Variants in SOX5 observed in about 807,000 individuals in gnomAD.
SOX5 encodes the protein SRY-box transcription factor 5, also known as transcription factor SOX-5.
In SOX5, 9 loss-of-function variants were observed where a neutral mutation model predicts 92.0. The ratio of observed to expected loss-of-function variants is 0.10; its 90% CI spans 0.06 to 0.17. SOX5 has a LOEUF of 0.17. Among genes scored for constraint, SOX5 ranks in the 10% least tolerant of loss-of-function variants. The pLI, the probability that SOX5 is intolerant of heterozygous loss-of-function variation, is 1.00. For missense variants in SOX5, 642 were observed against 944.5 expected (o/e 0.68, Z 4.20); for synonymous variants, 344 against 336.3 (o/e 1.02, Z -0.25).
chr12:24,329,284 C>G (rs181206568), intron 2 of SOX5, among the ~76,000 whole-genome samples: 145 of 152,226 alleles, frequency 9.5e-4, no homozygotes, highest in Middle Eastern at 3.4e-3. Flanking sequence ...CACAGTTCTA[C>G]ATGGCTTGGG....
intron 4 of SOX5, among the ~76,000 whole-genome samples, chr12:24,176,140 G>A (rs1475286957): frequency 4.6e-5 from 7 of 152,066 alleles, no homozygotes; most frequent in Non-Finnish European, 7.4e-5. Context: ...AGACTAGCCC[G>A]GGCAGCATGA....
chr12:24,008,217 T>C (rs1952529312), intron 4 of SOX5, among the ~76,000 whole-genome samples: 1 of 152,158 alleles, frequency 6.6e-6, no homozygotes, highest in African/African-American at 2.4e-5. Context: ...GGATTTTCAG[T>C]GTACATTTTG....
chr12:24,381,856 T>C lies in SOX5; in HGVS notation c.-250-13217A>G, dbSNP rs1358881568. Among the ~76,000 whole-genome samples, 3 of 152,180 alleles carry C rather than the reference T, an allele frequency of 2.0e-5. No individual in the cohort carries two copies. The East Asian group carries it at 5.8e-4, about 29-fold the overall frequency. On this transcript the variant is annotated intron_variant, in intron 1 of 4. Coordinates refer to the SOX5 transcript ENST00000446891. ...CTTCAGGGAGAGTAGGAATGAACAC[T>C]AAAAATAACTAAGAATTTGACTTTA... is the stretch of plus-strand genomic sequence containing the variant.
chr12:23,947,205 T>TATTTCACA (rs901763764), intron 1 of SOX5, among the ~76,000 whole-genome samples: 1 of 151,974 alleles, frequency 6.6e-6, no homozygotes, highest in Non-Finnish European at 1.5e-5. Flanking sequence ...CAAAGTTCTC[T>TATTTCACA]ATTTCACAAA....
chr12:24,111,568 ATATTT>A (rs1177100322), intron 4 of SOX5, among the ~76,000 whole-genome samples: 2 of 152,222 alleles, frequency 1.3e-5, no homozygotes, highest in African/African-American at 2.4e-5. Flanking sequence ...TCAAATCCAT[ATATTT>A]TAAAGTCAGA....
chr12:23,828,347 T>C (rs774625596), intron 3 of SOX5, among the ~76,000 whole-genome samples: 62 of 148,894 alleles, frequency 4.2e-4, no homozygotes, highest in Non-Finnish European at 8.3e-4. Flanking sequence ...CACACACACA[T>C]GTATGTGTAT....
intron 1 of SOX5, among the ~76,000 whole-genome samples, chr12:24,488,139 T>C (rs1946705064): frequency 6.6e-6 from 1 of 152,166 alleles, no homozygotes; most frequent in South Asian, 2.1e-4. Flanking sequence ...TGAATCATCA[T>C]GGATCTATTC....
At chr12:24,420,639 A>G (rs1965768677) in intron 1 of SOX5, among the ~76,000 whole-genome samples, 1 of 152,176 alleles carries the variant, frequency 6.6e-6, no homozygotes, top group Non-Finnish European at 1.5e-5. Flanking sequence ...CAACTTGGTA[A>G]CCAAATAGTA....
chr12:23,816,320 C>T (rs2095992955), intron 3 of SOX5, among the ~76,000 whole-genome samples: 1 of 151,786 alleles, frequency 6.6e-6, no homozygotes, highest in South Asian at 2.1e-4. Context: ...AGCGATTCTC[C>T]TGCCTCAGCC....
In SOX5 at chr12:23,535,262, T is replaced by G. The variant is rs564087161; in HGVS notation, c.1989-740A>C. On this transcript the variant is annotated intron_variant, in intron 14 of 14. Transcript: ENST00000451604. ...TGGGAAAATCCTAAAGCATTAGAGT[T>G]CTCAAAATAAAACTTTACTGCCCAG... 5.9e-5 allele frequency among the ~76,000 whole-genome samples: 9 copies of G among 152,274 alleles called. No homozygotes were observed. In the South Asian group the frequency reaches 1.7e-3, roughly 28 times the overall value.
intron 1 of SOX5, among the ~76,000 whole-genome samples, chr12:24,493,593 G>A (rs966043594): frequency 2.0e-5 from 3 of 152,118 alleles, no homozygotes; most frequent in Non-Finnish European, 1.5e-5. Flanking sequence ...GGCCGGGTGC[G>A]GTGGCTCACG....
intron 8 of SOX5, among the ~76,000 whole-genome samples, chr12:23,631,090 T>A (rs1031650401): frequency 6.6e-6 from 1 of 151,954 alleles, no homozygotes; most frequent in Non-Finnish European, 1.5e-5. Flanking sequence ...ACCATACGAA[T>A]AATGGATAAA....
intron 3 of SOX5, among the ~76,000 whole-genome samples, chr12:23,774,885 C>T (rs1205816513): frequency 1.3e-5 from 2 of 152,250 alleles, no homozygotes; most frequent in South Asian, 2.1e-4. Context: ...TTGTGATATA[C>T]ATCTTTAATC....
intron 6 of SOX5, among the ~76,000 whole-genome samples, chr12:23,689,834 TCA>T (rs2088419491): frequency 6.6e-6 from 1 of 152,304 alleles, no homozygotes; most frequent in South Asian, 2.1e-4. Context: ...AAATAAATTC[TCA>T]CAGTGAGAGA....
intron 3 of SOX5, among the ~76,000 whole-genome samples, chr12:24,261,138 T>A (rs1942023661): frequency 6.6e-6 from 1 of 152,014 alleles, no homozygotes; most frequent in Admixed American, 6.6e-5. Flanking sequence ...ACGTGTAGAA[T>A]GTAAAAGAAT....
chr12:23,555,436 T>C (rs1375875507), intron 11 of SOX5, among the ~76,000 whole-genome samples: 3 of 151,962 alleles, frequency 2.0e-5, no homozygotes, highest in Middle Eastern at 3.4e-3. Context: ...TTTGAAAACA[T>C]GCACAGCTTT....
chr12:24,328,740 T>C (rs973956479), intron 2 of SOX5, among the ~76,000 whole-genome samples: 1 of 152,238 alleles, frequency 6.6e-6, no homozygotes, highest in Non-Finnish European at 1.5e-5. Context: ...GTGTGGGAGA[T>C]GCAAACTACC....
intron 4 of SOX5, among the ~76,000 whole-genome samples, chr12:24,069,110 T>A (rs1402294253): frequency 7.0e-6 from 1 of 142,772 alleles, no homozygotes; most frequent in Non-Finnish European, 1.6e-5. Flanking sequence ...ACTTAGGGCC[T>A]TAAAAAAAAA....
At chr12:24,413,924 G>A (rs999799544) in intron 1 of SOX5, among the ~76,000 whole-genome samples, 3 of 152,168 alleles carry the variant, frequency 2.0e-5, no homozygotes, top group African/African-American at 7.2e-5. Flanking sequence ...TTGAGTGTGT[G>A]CAAAAGAGAC....
Sources: allele counts gnomAD v4.1 joint callset (sites outside exome capture counted in the v4.1 genomes callset), GRCh38; gene constraint gnomAD v4.1.1; transcripts MANE v1.5; gene names NCBI Gene and HGNC (gene_info 2026-07-23, HGNC 2026-07-21).